Variants in FAAH2 observed in about 807,000 individuals in gnomAD.
The protein encoded by FAAH2 is fatty-acid amide hydrolase 2.
A neutral mutation model predicts 36.9 loss-of-function variants in FAAH2; 60 were observed. The observed-to-expected ratio is 1.63, with a 90% confidence interval of 1.32 to 2.02. The LOEUF (loss-of-function observed/expected upper bound fraction) is 2.02, where lower values mean the gene tolerates loss of function less well. FAAH2 is among the 30% of genes most tolerant of loss of function. The pLI is 0.00. For synonymous variants in FAAH2, 214 were observed against 143.8 expected, an observed-to-expected ratio of 1.49 and a Z score of -3.49; for missense variants, 689 against 397.5, an observed-to-expected ratio of 1.73 and a Z score of -6.23.
intron 9 of FAAH2, 93 bp downstream of exon 9, chrX:57,447,132 G>A (rs185013585): frequency 1.7e-6 from 1 of 592,094 alleles, no homozygotes; most frequent in African/African-American, 2.3e-5. Context: ...CCCCATGCAA[G>A]TCCAAAATCC....
chrX:57,164,597 C>T, the FAAH2 span, among the ~76,000 whole-genome samples: 1 of 111,606 alleles, frequency 9.0e-6, no homozygotes, highest in African/African-American at 3.3e-5. Flanking sequence ...CATAAATGGA[C>T]CCCAAACAGA....
chrX:57,304,406 C>T (rs1172355465), intron 2 of FAAH2, among the ~76,000 whole-genome samples: 1 of 111,613 alleles, frequency 9.0e-6, no homozygotes, highest in African/African-American at 3.3e-5. Context: ...TGAAAAATGT[C>T]ATCATTAACC....
chrX:57,205,105 A>G, the FAAH2 span, among the ~76,000 whole-genome samples: 1 of 112,434 alleles, frequency 8.9e-6, no homozygotes, highest in Admixed American at 9.4e-5. Flanking sequence ...TAGTCTCTCA[A>G]ATGAGGGAAT....
At chrX:57,392,537 G>A (rs2055191150) in intron 7 of FAAH2, 1 of 776,128 alleles carries the variant, frequency 1.3e-6, no homozygotes, top group Non-Finnish European at 1.9e-6. Context: ...GATCTTCTGG[G>A]CAGGGGCTGA....
chrX:57,211,260 G>T, the FAAH2 span, among the ~76,000 whole-genome samples: 1 of 112,044 alleles, frequency 8.9e-6, no homozygotes, highest in African/African-American at 3.2e-5. Context: ...CACCTTTGGA[G>T]CCCAAGCCAT....
chrX:57,216,023 C>T, the FAAH2 span, among the ~76,000 whole-genome samples: 7 of 107,391 alleles, frequency 6.5e-5, no homozygotes, highest in South Asian at 4.3e-4. Flanking sequence ...AGTGTGTACG[C>T]GTATGTGTGT....
At chrX:57,259,864 C>T in the FAAH2 span, among the ~76,000 whole-genome samples, 1 of 111,621 alleles carries the variant, frequency 9.0e-6, no homozygotes, top group East Asian at 2.8e-4. Flanking sequence ...AAGAATTATT[C>T]AAGCTTCTGT....
the FAAH2 span, among the ~76,000 whole-genome samples, chrX:57,152,908 G>T: frequency 9.8e-6 from 1 of 101,846 alleles, no homozygotes; most frequent in Non-Finnish European, 1.9e-5. Context: ...GGCCACCTTG[G>T]CTCCCCCCCC....
chrX:57,150,373 C>A, the FAAH2 span, among the ~76,000 whole-genome samples: 1 of 111,530 alleles, frequency 9.0e-6, no homozygotes, highest in South Asian at 3.8e-4. Flanking sequence ...TAAAGTCTCC[C>A]ATTATTATTG....
intron 10 of FAAH2, among the ~76,000 whole-genome samples, chrX:57,488,203 G>A (rs5914118): frequency 0.21 from 23,279 of 110,513 alleles, 2,270 homozygotes; most frequent in Middle Eastern, 0.55. Flanking sequence ...CATTTGAAAC[G>A]GGGAATCTTA....
At chrX:57,381,120 G>A in intron 7 of FAAH2, 91 bp downstream of exon 7, 1 of 636,167 alleles carries the variant, frequency 1.6e-6, no homozygotes, top group Non-Finnish European at 2.4e-6. Context: ...AAATATTTCT[G>A]TGTCAGCATA....
At chrX:57,169,130 C>T in the FAAH2 span, among the ~76,000 whole-genome samples, 1 of 110,364 alleles carries the variant, frequency 9.1e-6, no homozygotes, top group African/African-American at 3.3e-5. Flanking sequence ...AAAAGGAGAG[C>T]TCTGTTGTCT....
the FAAH2 span, among the ~76,000 whole-genome samples, chrX:57,151,695 C>T: frequency 9.0e-6 from 1 of 110,916 alleles, no homozygotes; most frequent in East Asian, 2.8e-4. Context: ...ACTTCTTTGC[C>T]ATTGGTTTGA....
chrX:57,471,731 G>T (rs1203028728), intron 10 of FAAH2, among the ~76,000 whole-genome samples: 2 of 111,363 alleles, frequency 1.8e-5, no homozygotes, highest in Non-Finnish European at 3.8e-5. Context: ...TCACAGAATT[G>T]GAAAAAACTA....
chrX:57,134,229 CA>C, the FAAH2 span, among the ~76,000 whole-genome samples: 3 of 111,755 alleles, frequency 2.7e-5, no homozygotes, highest in African/African-American at 9.8e-5. Context: ...TGACATTATA[CA>C]GCTGAATGAG....
chrX:57,194,338 C>A, the FAAH2 span, among the ~76,000 whole-genome samples: 1 of 110,890 alleles, frequency 9.0e-6, no homozygotes, highest in Non-Finnish European at 1.9e-5. Flanking sequence ...CAATCATGAT[C>A]CTTTATATTT....
At chrX:57,162,361 G>T in the FAAH2 span, among the ~76,000 whole-genome samples, 155 of 111,228 alleles carry the variant, frequency 1.4e-3, 4 homozygotes, top group East Asian at 0.035. Context: ...TTCTCGAGGA[G>T]TATCTTTGTG....
chrX:57,379,023 A>C (rs1262567046), intron 6 of FAAH2, among the ~76,000 whole-genome samples: 1 of 111,878 alleles, frequency 8.9e-6, no homozygotes, highest in African/African-American at 3.2e-5. Context: ...TGGGAAGGAA[A>C]CAGTGAATCT....
chrX:57,160,050 A>T, the FAAH2 span, among the ~76,000 whole-genome samples: 2 of 111,957 alleles, frequency 1.8e-5, no homozygotes, highest in African/African-American at 6.5e-5. Context: ...AGCATGAAGC[A>T]TTGCTGAATT....
Sources: allele counts gnomAD v4.1 joint callset (sites outside exome capture counted in the v4.1 genomes callset), GRCh38; gene constraint gnomAD v4.1.1; transcripts MANE v1.5; gene names NCBI Gene and HGNC (gene_info 2026-07-23, HGNC 2026-07-21).